RABGAP1L: variants seen among roughly 807,000 people sequenced by gnomAD.
RABGAP1L encodes RAB GTPase activating protein 1 like.
Under a neutral mutation model 137.7 loss-of-function variants are expected in RABGAP1L, and 63 were observed. The ratio of observed to expected loss-of-function variants is 0.46; its 90% CI spans 0.37 to 0.56. The LOEUF is 0.56. Ranked by LOEUF, RABGAP1L falls within the 20% of genes least tolerant of loss-of-function variation. The pLI, the probability that RABGAP1L is intolerant of heterozygous loss-of-function variation, is 0.00. For missense variants in RABGAP1L, 1,095 were observed against 1,244.0 expected (o/e 0.88, Z 1.80); for synonymous variants, 431 against 433.7 (o/e 0.99, Z 0.08).
intron 19 of RABGAP1L, among the ~76,000 whole-genome samples, chr1:174,891,021 T>A (rs1196783097): frequency 6.6e-6 from 1 of 152,238 alleles, no homozygotes; most frequent in Non-Finnish European, 1.5e-5. Flanking sequence ...GGTTGAAGGA[T>A]ACATTCATTT....
At chr1:174,349,115 C>CTCCT (rs1412962764) in intron 11 of RABGAP1L, among the ~76,000 whole-genome samples, 7 of 92,124 alleles carry the variant, frequency 7.6e-5, no homozygotes, top group African/African-American at 5.3e-4. Context: ...CTGACACCCC[C>CTCCT]ACCTCCCGGA....
chr1:174,211,910 G>A (rs1407406759), intron 1 of RABGAP1L, among the ~76,000 whole-genome samples: 8 of 152,008 alleles, frequency 5.3e-5, no homozygotes, highest in South Asian at 2.1e-4. Context: ...TGACTAAAAG[G>A]TCAATTCAGC....
chr1:174,892,071 G>T (rs141487249), intron 19 of RABGAP1L, among the ~76,000 whole-genome samples: 11 of 152,220 alleles, frequency 7.2e-5, no homozygotes, highest in Non-Finnish European at 1.2e-4. Context: ...TGGCCGCAGC[G>T]GTAGCTGGAG....
At chr1:174,897,147 C>G (rs1168520861) in intron 19 of RABGAP1L, 1 of 152,032 alleles carries the variant, frequency 6.6e-6, no homozygotes, top group East Asian at 1.9e-4. Context: ...TGAAGAGGTC[C>G]TTCACATCCC....
intron 1 of RABGAP1L, among the ~76,000 whole-genome samples, chr1:174,176,713 G>GGAAA (rs1232596038): frequency 1.4e-4 from 3 of 21,548 alleles, no homozygotes; most frequent in African/African-American, 2.9e-4. Flanking sequence ...CCCTTTTTCA[G>GGAAA]AAAAAAAAAA....
intron 18 of RABGAP1L, among the ~76,000 whole-genome samples, chr1:174,801,232 A>T (rs1273068604): frequency 6.6e-6 from 1 of 152,218 alleles, no homozygotes; most frequent in African/African-American, 2.4e-5. Flanking sequence ...GGTTTACAGT[A>T]GTCCTATACC....
At chr1:174,945,488 C>T (rs1199750799) in intron 19 of RABGAP1L, 9 of 152,002 alleles carry the variant, frequency 5.9e-5, no homozygotes. Context: ...TCAGAATTTG[C>T]ATAATTTAGC....
intron 13 of RABGAP1L, among the ~76,000 whole-genome samples, chr1:174,416,024 A>G (rs1650533343): frequency 8.2e-6 from 1 of 121,692 alleles, no homozygotes. Flanking sequence ...ATTTACATAT[A>G]TATATATATA....
intron 11 of RABGAP1L, among the ~76,000 whole-genome samples, chr1:174,313,349 T>A (rs908396448): frequency 6.6e-6 from 1 of 152,232 alleles, no homozygotes; most frequent in Non-Finnish European, 1.5e-5. Flanking sequence ...TTGATGAGTT[T>A]TAATAGTTTT....
rs761747810 is a variant in RABGAP1L, at chr1:174,994,640, A to G, written c.*4639A>G. Reference sequence around the variant, plus strand: ...GAATTGTGAGAATATAAATGCATCGAAAGACTCTGGTGTCATGAAAGCACA... The same window carrying G: ...GAATTGTGAGAATATAAATGCATCGGAAGACTCTGGTGTCATGAAAGCACA... On this transcript the variant is annotated 3_prime_UTR_variant, in exon 26 of 26. Transcript: ENST00000681986. 1 of 152,236 alleles carries G rather than the reference A, an allele frequency of 6.6e-6. No homozygotes were observed. The highest frequency in any genetic ancestry group is 1.5e-5 in the Non-Finnish European group (1 of 68,034). 9.4% of individuals were successfully genotyped at this position (152,236 alleles called of 1,614,324 possible).
intron 13 of RABGAP1L, among the ~76,000 whole-genome samples, chr1:174,528,224 T>C (rs568266645): frequency 6.6e-6 from 1 of 152,300 alleles, no homozygotes; most frequent in South Asian, 2.1e-4. Flanking sequence ...TTTTTGCTCC[T>C]TTCTCTTTTC....
At chr1:174,822,247 A>G (rs887090595) in intron 19 of RABGAP1L, among the ~76,000 whole-genome samples, 1 of 152,242 alleles carries the variant, frequency 6.6e-6, no homozygotes, top group Non-Finnish European at 1.5e-5. Context: ...GGGCAATGGA[A>G]CAAGACTGTG....
chr1:174,986,952 C>T (rs1192721401), intron 24 of RABGAP1L, among the ~76,000 whole-genome samples: 1 of 152,184 alleles, frequency 6.6e-6, no homozygotes, highest in Non-Finnish European at 1.5e-5. Flanking sequence ...ACAGTAAATA[C>T]ACAACAAATA....
chr1:174,975,180 A>C (rs1479350715), intron 21 of RABGAP1L, among the ~76,000 whole-genome samples: 3 of 152,210 alleles, frequency 2.0e-5, no homozygotes, highest in Admixed American at 1.3e-4. Context: ...TGATGAGCAA[A>C]AGAGATATAG....
intron 19 of RABGAP1L, among the ~76,000 whole-genome samples, chr1:174,956,397 A>G (rs1191866272): frequency 6.6e-6 from 1 of 152,118 alleles, no homozygotes; most frequent in Non-Finnish European, 1.5e-5. Flanking sequence ...GGGCTTTTAT[A>G]CTACGCTGTG....
chr1:174,620,900 A>T (rs1408664209), intron 13 of RABGAP1L, among the ~76,000 whole-genome samples: 1 of 152,184 alleles, frequency 6.6e-6, no homozygotes, highest in African/African-American at 2.4e-5. Context: ...AGACTAATAA[A>T]GAAGAAAAGA....
intron 14 of RABGAP1L, among the ~76,000 whole-genome samples, chr1:174,643,304 A>G (rs1674687246): frequency 6.6e-6 from 1 of 152,176 alleles, no homozygotes; most frequent in Non-Finnish European, 1.5e-5. Context: ...AGATTTTTCT[A>G]TTCTCTGTGT....
chr1:174,393,089 T>A (rs567374549), intron 12 of RABGAP1L, among the ~76,000 whole-genome samples: 1 of 152,304 alleles, frequency 6.6e-6, no homozygotes, highest in South Asian at 2.1e-4. Flanking sequence ...GTTGTGATCA[T>A]TGATTTTAGG....
At chr1:174,538,882 G>A (rs1361200321) in intron 13 of RABGAP1L, among the ~76,000 whole-genome samples, 1 of 152,148 alleles carries the variant, frequency 6.6e-6, no homozygotes, top group Non-Finnish European at 1.5e-5. Context: ...TAGTGTGATA[G>A]TAGGCTATGG....
Sources: gnomAD v4.1 joint callset for allele counts (sites outside exome capture counted in the v4.1 genomes callset) on GRCh38, gnomAD v4.1.1 for gene constraint, MANE v1.5 for transcripts, NCBI Gene and HGNC (gene_info 2026-07-23, HGNC 2026-07-21) for gene names.